The following ST3GAL4 variants were observed in gnomAD, a reference collection of about 807,000 sequenced individuals.
ST3GAL4 encodes ST3 beta-galactoside alpha-2,3-sialyltransferase 4.
A neutral mutation model predicts 42.6 loss-of-function variants in ST3GAL4; 24 were observed. That is an observed-to-expected ratio of 0.56 (90% confidence interval 0.41 to 0.79). The LOEUF is 0.79. Ranked by LOEUF, ST3GAL4 falls within the 30% of genes least tolerant of loss-of-function variation. ST3GAL4 has a pLI of 0.00. For missense variants in ST3GAL4, 311 were observed against 430.8 expected (o/e 0.72, Z 2.46); for synonymous variants, 135 against 163.2 (o/e 0.83, Z 1.32).
chr11:126,385,844 T>C (rs1953205363), intron 1 of ST3GAL4, among the ~76,000 whole-genome samples: 1 of 149,748 alleles, frequency 6.7e-6, no homozygotes, highest in South Asian at 2.2e-4. Context: ...AGACCTTGTC[T>C]CAAAAAAAAA....
Position 126,364,597 on chromosome 11 carries a change from G to T in ST3GAL4, c.-61+8755G>T, listed in dbSNP as rs200682620. 2.1e-5 allele frequency among the ~76,000 whole-genome samples: 3 copies of T among 143,694 alleles called. No individual in the cohort carries two copies. In the Admixed American group the frequency reaches 2.1e-4, roughly 10 times the overall value. 94.3% of individuals were successfully genotyped at this position (143,694 alleles called of 152,430 possible). A position where few individuals can be genotyped will look rare whatever the true frequency, so the allele number is the denominator to read the frequency against. On this transcript the variant is annotated intron_variant, in intron 1 of 10. Transcript: ENST00000444328. ...GGAGGCTGTTCCTTGGCCGCAGCCT[G>T]TAACTGAATAAATGCCATTAAAAGG...
At chr11:126,399,189 C>T (rs1953902060) in intron 1 of ST3GAL4, among the ~76,000 whole-genome samples, 4 of 152,026 alleles carry the variant, frequency 2.6e-5, no homozygotes, top group African/African-American at 4.8e-5. Flanking sequence ...TGCACCCTTG[C>T]TTTCCTCTCC....
intron 1 of ST3GAL4, chr11:126,403,493 C>A: frequency 4.1e-6 from 4 of 970,672 alleles, no homozygotes; most frequent in Non-Finnish European, 4.9e-6. Context: ...GGAGGTACGG[C>A]GCTGATTTGT....
At chr11:126,395,531 G>A (rs1251689536) in intron 1 of ST3GAL4, among the ~76,000 whole-genome samples, 2 of 152,172 alleles carry the variant, frequency 1.3e-5, no homozygotes, top group Non-Finnish European at 2.9e-5. Flanking sequence ...CGGTTTGGCT[G>A]TGTCCCCACC....
rs1278395454 is a variant in ST3GAL4, at chr11:126,373,821, C to T, written c.-61+17979C>T. On this transcript the variant is annotated intron_variant, in intron 1 of 10. Coordinates refer to ENST00000444328, the MANE Select transcript of ST3GAL4 (RefSeq NM_001254757.2). This position sits in a 1 kb window ranked among gnomAD's most constrained non-coding sequence, Gnocchi z 5.5. ...AACTCTAATGAGCCAGGAAGCCTCC[C>T]CGTGCCCAGGCGTGCTGTGATCACA... 2.6e-5 allele frequency among the ~76,000 whole-genome samples: 4 copies of T among 152,026 alleles called. No homozygotes were observed. Among genetic ancestry groups the T allele is most frequent in the African/African-American group, 7.2e-5 (3 of 41,382 alleles).
At chr11:126,361,456 C>T (rs1391342916) in intron 1 of ST3GAL4, among the ~76,000 whole-genome samples, 2 of 151,680 alleles carry the variant, frequency 1.3e-5, no homozygotes, top group South Asian at 2.1e-4. Flanking sequence ...TGGGGTCTCA[C>T]CTCCTCGCCT....
chr11:126,386,110 G>A lies in ST3GAL4; in HGVS notation c.-60-19986G>A, dbSNP rs969237060. Among the ~76,000 whole-genome samples, 1 of 152,148 alleles carries A rather than the reference G, an allele frequency of 6.6e-6. No homozygotes were observed. The highest frequency in any genetic ancestry group is 2.4e-5 in the African/African-American group (1 of 41,414). On this transcript the variant is annotated intron_variant, in intron 1 of 10. Coordinates refer to ENST00000444328, the MANE Select transcript of ST3GAL4 (RefSeq NM_001254757.2). The surrounding 1 kb of genome is among the most constrained non-coding windows in gnomAD (Gnocchi z 4.7). ...CTCTTGCCTACCCCATCTTCCCATG[G>A]CTGCCCTTCATGTAGGCCTCCGGTT...
chr11:126,406,065 T>C lies in ST3GAL4; in HGVS notation c.-60-31T>C, dbSNP rs10893506. ...GTCTAGGCAGGAGAGTTTGTGAAGCTGACCGGACACCTGTGGCTCTTATTT... is the reference window on the plus strand; with the variant it reads ...GTCTAGGCAGGAGAGTTTGTGAAGCCGACCGGACACCTGTGGCTCTTATTT... On this transcript the variant is annotated intron_variant, in intron 1 of 10. Transcript: ENST00000444328. The surrounding 1 kb of genome is among the most constrained non-coding windows in gnomAD (Gnocchi z 5.4). 0.4 allele frequency: 624,956 copies of C among 1,550,934 alleles called. 127,858 individuals carry two copies. Among genetic ancestry groups the C allele is most frequent in the East Asian group, 0.66 (27,089 of 40,890 alleles).
rs1395701636 is a variant in ST3GAL4, at chr11:126,359,503, A to C, written c.-61+3661A>C. 2.0e-5 allele frequency among the ~76,000 whole-genome samples: 3 copies of C among 152,142 alleles called. No individual in the cohort carries two copies. Reference sequence around the variant, plus strand: ...CCTTCACTTTTCAGCCCAGTTCTCAACTGCCCCCTGGAGTTTGCTCATTTT... The same window carrying C: ...CCTTCACTTTTCAGCCCAGTTCTCACCTGCCCCCTGGAGTTTGCTCATTTT... On this transcript the variant is annotated intron_variant, in intron 1 of 10. Coordinates refer to ENST00000444328, the MANE Select transcript of ST3GAL4 (RefSeq NM_001254757.2). This position sits in a 1 kb window ranked among gnomAD's most constrained non-coding sequence, Gnocchi z 4.8.
chr11:126,378,719 A>G lies in ST3GAL4; in HGVS notation c.-61+22877A>G, dbSNP rs1371889828. 1.3e-5 allele frequency among the ~76,000 whole-genome samples: 2 copies of G among 152,200 alleles called. No individual in the cohort carries two copies. Among genetic ancestry groups the G allele is most frequent in the African/African-American group, 4.8e-5 (2 of 41,446 alleles). On this transcript the variant is annotated intron_variant, in intron 1 of 10. Transcript: ENST00000444328. The surrounding 1 kb of genome is among the most constrained non-coding windows in gnomAD (Gnocchi z 5.3). ...TATGACCTGAGCATTGATCTGTCCA[A>G]TAAGCAAGACTGTTATGTACATTAT...
chr11:126,403,586 GT>G (rs1372301132), intron 1 of ST3GAL4: 2 of 329,628 alleles, frequency 6.1e-6, no homozygotes, highest in Non-Finnish European at 8.7e-6. Flanking sequence ...GACTTTATAT[GT>G]TTAAGCTCCT....
At chr11:126,377,094 C>T (rs1435536666) in intron 1 of ST3GAL4, among the ~76,000 whole-genome samples, 1 of 152,154 alleles carries the variant, frequency 6.6e-6, no homozygotes, top group African/African-American at 2.4e-5. Flanking sequence ...GAAGGCAGTG[C>T]CCATCTAATG....
chr11:126,370,885 C>G (rs1417969600), intron 1 of ST3GAL4, among the ~76,000 whole-genome samples: 1 of 152,082 alleles, frequency 6.6e-6, no homozygotes, highest in Non-Finnish European at 1.5e-5. Context: ...TCAGGCAGGT[C>G]TCGAGCTCCT....
chr11:126,372,206 C>T (rs1263234528), intron 1 of ST3GAL4, among the ~76,000 whole-genome samples: 6 of 152,322 alleles, frequency 3.9e-5, no homozygotes, highest in Middle Eastern at 3.4e-3. Flanking sequence ...TCCTGCTAGT[C>T]AATGGCTCAT....
rs546052932 is a variant in ST3GAL4, at chr11:126,409,043, G to C, written c.628-225G>C. Among the ~76,000 whole-genome samples, 2 of 152,148 alleles carry C rather than the reference G, an allele frequency of 1.3e-5. No homozygotes were observed. Among genetic ancestry groups the C allele is most frequent in the Non-Finnish European group, 2.9e-5 (2 of 68,024 alleles). On this transcript the variant is annotated intron_variant, in intron 8 of 10. Coordinates refer to ENST00000444328, the MANE Select transcript of ST3GAL4 (RefSeq NM_001254757.2). This position sits in a 1 kb window ranked among gnomAD's most constrained non-coding sequence, Gnocchi z 4.9. ...TTTAGACCCTCCACTCTATACACCT[G>C]GTCACCTGGCCTCCCGAGGGGGTGC...
At position 126,363,328 on chromosome 11, in the gene ST3GAL4, T is replaced by C. The variant is rs966015465; in HGVS notation, c.-61+7486T>C. On this transcript the variant is annotated intron_variant, in intron 1 of 10. Transcript: ENST00000444328. The surrounding 1 kb of genome is among the most constrained non-coding windows in gnomAD (Gnocchi z 4.6). ...TCCTTTCTGCCTCCTCTGCATTCTC[T>C]CCTTGCCCTTGCTTCTCTGATCTGC... Among the ~76,000 whole-genome samples the C allele has an allele frequency of 2.0e-5, 3 of 152,192 alleles. No homozygotes were observed. The highest frequency in any genetic ancestry group is 7.2e-5 in the African/African-American group (3 of 41,442).
chr11:126,387,723 G>A (rs1339587250), intron 1 of ST3GAL4, among the ~76,000 whole-genome samples: 1 of 151,806 alleles, frequency 6.6e-6, no homozygotes, highest in Non-Finnish European at 1.5e-5. Context: ...GGGAATATGA[G>A]CATAAGTCAC....
chr11:126,400,226 G>A lies in ST3GAL4; in HGVS notation c.-60-5870G>A, dbSNP rs1041288953. On this transcript the variant is annotated intron_variant, in intron 1 of 10. Transcript: ENST00000444328. The surrounding 1 kb of genome is among the most constrained non-coding windows in gnomAD (Gnocchi z 4.6). Reference sequence around the variant, plus strand: ...CAAGATCAAGGGGCTGCTCTGGCAAGGGCCTTCTTGCTGCATCATCCCATG... The same window carrying A: ...CAAGATCAAGGGGCTGCTCTGGCAAAGGCCTTCTTGCTGCATCATCCCATG... Among the ~76,000 whole-genome samples the A allele has an allele frequency of 1.2e-4, 18 of 152,242 alleles. No individual in the cohort carries two copies. Among genetic ancestry groups the A allele is most frequent in the Admixed American group, 6.5e-4 (10 of 15,286 alleles).
chr11:126,357,200 G>A lies in ST3GAL4; in HGVS notation c.-61+1358G>A, dbSNP rs181897168. 6.5e-3 allele frequency among the ~76,000 whole-genome samples: 990 copies of A among 152,194 alleles called. 4 individuals are homozygous for A. Among genetic ancestry groups the A allele is most frequent in the Non-Finnish European group, 0.01 (694 of 67,992 alleles). On this transcript the variant is annotated intron_variant, in intron 1 of 10. Coordinates refer to ENST00000444328, the MANE Select transcript of ST3GAL4 (RefSeq NM_001254757.2). ...TTGACCGTTCCCTGCCCTGCTCCTG[G>A]CCCACTCCCAGACTGCTCCTGTGCC...
Sources: gnomAD v4.1 joint callset for allele counts (sites outside exome capture counted in the v4.1 genomes callset) on GRCh38, gnomAD v4.1.1 for gene constraint, Gnocchi (gnomAD v3.1) non-coding constraint, MANE v1.5 for transcripts, NCBI Gene and HGNC (gene_info 2026-07-23, HGNC 2026-07-21) for gene names.